PACS1: variants seen among roughly 807,000 people sequenced by gnomAD.
The protein encoded by PACS1 is PACS-1.
Under a neutral mutation model 115.0 loss-of-function variants are expected in PACS1, and 24 were observed. That is an observed-to-expected ratio of 0.21 (90% confidence interval 0.15 to 0.29). PACS1 has a LOEUF of 0.29. Among genes scored for constraint, PACS1 ranks in the 10% least tolerant of loss-of-function variants. The probability of loss-of-function intolerance (pLI) is 1.00; values close to 1 mark genes in which losing one functional copy is unlikely to be tolerated. For missense variants in PACS1, 838 were observed against 1,251.2 expected, an observed-to-expected ratio of 0.67 and a Z score of 4.98; for synonymous variants, 453 against 504.5, an observed-to-expected ratio of 0.90 and a Z score of 1.37.
intron 1 of PACS1, among the ~76,000 whole-genome samples, chr11:66,123,536 T>A (rs1447100919): frequency 1.3e-5 from 2 of 151,594 alleles, no homozygotes; most frequent in African/African-American, 2.4e-5. Context: ...TTATTTATTT[T>A]TTTGGGACAG....
At chr11:66,110,351 G>A (rs1445318494) in intron 1 of PACS1, among the ~76,000 whole-genome samples, 1 of 152,026 alleles carries the variant, frequency 6.6e-6, no homozygotes, top group Non-Finnish European at 1.5e-5. Context: ...ACCGAGGCTG[G>A]AGTATGGTGG....
chr11:66,180,351 C>CA (rs1859975540), intron 1 of PACS1, among the ~76,000 whole-genome samples: 1 of 146,080 alleles, frequency 6.8e-6, no homozygotes, highest in Non-Finnish European at 1.5e-5. Context: ...TTTCTTTCAG[C>CA]TTTTTTTTTT....
At chr11:66,115,672 G>T (rs1261402312) in intron 1 of PACS1, among the ~76,000 whole-genome samples, 2 of 152,254 alleles carry the variant, frequency 1.3e-5, no homozygotes, top group Admixed American at 6.5e-5. Context: ...TACCCAAGAA[G>T]GACCAAAATT....
intron 8 of PACS1, 97 bp from the exon 9 acceptor site, chr11:66,220,534 C>T (rs1855318652): frequency 1.7e-6 from 2 of 1,148,268 alleles, no homozygotes; most frequent in Non-Finnish European, 2.6e-6. Context: ...GTCCCTTAAG[C>T]AGGACTATAA....
At chr11:66,213,060 C>A (rs976163709) in intron 4 of PACS1, among the ~76,000 whole-genome samples, 2 of 152,158 alleles carry the variant, frequency 1.3e-5, no homozygotes, top group Non-Finnish European at 2.9e-5. Flanking sequence ...ACCATGTTGT[C>A]TGGGCTGGTC....
intron 1 of PACS1, among the ~76,000 whole-genome samples, chr11:66,147,173 C>A (rs1859145236): frequency 6.6e-6 from 1 of 152,068 alleles, no homozygotes; most frequent in African/African-American, 2.4e-5. Context: ...TCAGCAGAAA[C>A]AGTGTAGGGT....
chr11:66,081,280 A>C lies in PACS1; in HGVS notation c.356+10438A>C, dbSNP rs113609705. ...AAGAAAAGAAAAGTCCCTGTCTCAC[A>C]GGATTATCATCAGAATTAAATAAGG... On this transcript the variant is annotated intron_variant, in intron 1 of 23. Transcript: ENST00000320580. 1.5e-3 allele frequency among the ~76,000 whole-genome samples: 224 copies of C among 152,326 alleles called. 2 individuals carry two copies. The highest frequency in any genetic ancestry group is 5.2e-3 in the African/African-American group (217 of 41,588).
chr11:66,150,114 T>C (rs868085221), intron 1 of PACS1, among the ~76,000 whole-genome samples: 11 of 152,238 alleles, frequency 7.2e-5, no homozygotes, highest in Middle Eastern at 3.2e-3. Context: ...TCCTATCATA[T>C]AGTGCTTTGC....
chr11:66,162,555 G>T (rs1435948847), intron 1 of PACS1, among the ~76,000 whole-genome samples: 1 of 152,238 alleles, frequency 6.6e-6, no homozygotes, highest in East Asian at 1.9e-4. Context: ...CTGGGGGCTG[G>T]AAGGGGCCAG....
At position 66,230,829 on chromosome 11, in the gene PACS1, C is replaced by G. The variant is rs1855576264; in HGVS notation, c.1515C>G (p.Pro505=). The part of the protein sequence containing the change: ...SPSKVEGVHT[P]RQKRSTPLKE... ...GCAAAGTGGAGGGGGTGCACACACC[C>G]CGGCAGAAGAGGAGCACGCCCCTGA... Residue 505 remains proline (P), a synonymous_variant, in exon 13 of 24, where the codon CCC becomes CCG. Coordinates refer to ENST00000320580, the MANE Select transcript of PACS1 (RefSeq NM_018026.4). The G allele has an allele frequency of 6.2e-7, 1 of 1,614,052 alleles. No individual in the cohort carries two copies. The highest frequency in any genetic ancestry group is 1.3e-5 in the African/African-American group (1 of 74,932).
In PACS1 at chr11:66,235,872, T is replaced by C. The variant is rs1855694295; in HGVS notation, c.2208-26T>C. The C allele has an allele frequency of 6.2e-7, 1 of 1,606,228 alleles. No individual in the cohort carries two copies. Among genetic ancestry groups the C allele is most frequent in the Non-Finnish European group, 8.5e-7 (1 of 1,172,794 alleles). ...TCCTCCCTGTCTCTCCTACTAACTA[T>C]GAAGCTCTCCTGTGTCTCCCAACAG... On this transcript the variant is annotated intron_variant, in intron 18 of 23. Transcript: ENST00000320580. The surrounding 1 kb of genome is among the most constrained non-coding windows in gnomAD (Gnocchi z 5.6).
intron 2 of PACS1, among the ~76,000 whole-genome samples, chr11:66,208,236 A>G (rs185126783): frequency 1.1e-4 from 17 of 152,190 alleles, no homozygotes; most frequent in African/African-American, 3.6e-4. Context: ...GCACCGCGGC[A>G]TAGTACCATT....
At chr11:66,129,372 C>T (rs145341779) in intron 1 of PACS1, among the ~76,000 whole-genome samples, 4,189 of 149,992 alleles carry the variant, frequency 0.028, 89 homozygotes, top group Non-Finnish European at 0.043. Context: ...GTGGAGGTGG[C>T]AGTGAGCTGA....
At chr11:66,221,500 C>T (rs546268306) in intron 10 of PACS1, 65 of 470,710 alleles carry the variant, frequency 1.4e-4, no homozygotes, top group African/African-American at 1.0e-3. Context: ...ACAAAAATTA[C>T]CTGGGCGTGA....
chr11:66,137,922 G>T (rs1369351450), intron 1 of PACS1, among the ~76,000 whole-genome samples: 1 of 152,002 alleles, frequency 6.6e-6, no homozygotes, highest in East Asian at 1.9e-4. Context: ...AGTAGAGACG[G>T]GGTTTCACCA....
intron 1 of PACS1, among the ~76,000 whole-genome samples, chr11:66,161,351 C>T (rs192931348): frequency 6.6e-6 from 1 of 151,966 alleles, no homozygotes; most frequent in Non-Finnish European, 1.5e-5. Context: ...ACTCAGGAGG[C>T]TGAGGGAGTT....
chr11:66,217,147 G>A lies in PACS1; in HGVS notation c.978+372G>A, dbSNP rs1855232463. ...AGAAAGCCAGCTCCCTCTAGGAGTAGCACTAGTTTTAATCATGTGCTGAAC... is the reference window on the plus strand; with the variant it reads ...AGAAAGCCAGCTCCCTCTAGGAGTAACACTAGTTTTAATCATGTGCTGAAC... On this transcript the variant is annotated intron_variant, in intron 7 of 23. Coordinates refer to ENST00000320580, the MANE Select transcript of PACS1 (RefSeq NM_018026.4). The A allele has an allele frequency of 1.3e-5, 4 of 311,522 alleles. No homozygotes were observed. The East Asian group carries it at 3.5e-4, about 27-fold the overall frequency. 19.3% of individuals were successfully genotyped at this position (311,522 alleles called of 1,614,324 possible).
At chr11:66,179,383 G>A (rs1859947897) in intron 1 of PACS1, among the ~76,000 whole-genome samples, 1 of 152,160 alleles carries the variant, frequency 6.6e-6, no homozygotes, top group South Asian at 2.1e-4. Context: ...TAAGGAAAAT[G>A]TTTAAGATTA....
chr11:66,220,648 G>T lies in PACS1; in HGVS notation c.1056G>T (p.Glu352Asp). ...CCCTGCAGGTGGGCTTTGGGCTGGA[G>T]CATGTGTCCCGCGAGCAGATCCGGG... ...KVSDEVGFGL[E>D]HVSREQIREV... The change falls in exon 9 of 24, where the codon GAG becomes GAT. Residue 352 changes from glutamate to aspartate, a missense_variant. Physicochemically the swap from Glu to Asp is conservative, Grantham distance 45. This residue lies in a region of PACS1 where 223 missense variants were observed against 354.0 expected (regional missense o/e 0.63). Transcript: ENST00000320580. 6.2e-7 allele frequency: 1 copy of T among 1,614,206 alleles called. No homozygotes were observed. Among genetic ancestry groups the T allele is most frequent in the Non-Finnish European group, 8.5e-7 (1 of 1,180,034 alleles).
Sources: gnomAD v4.1 joint callset for allele counts (sites outside exome capture counted in the v4.1 genomes callset) on GRCh38, gnomAD v4.1.1 for gene constraint, gnomAD v4.1.1 regional missense constraint, Gnocchi (gnomAD v3.1) non-coding constraint, MANE v1.5 for transcripts, NCBI Gene and HGNC (gene_info 2026-07-23, HGNC 2026-07-21) for gene names.